TRIM11: variants seen among roughly 807,000 people sequenced by gnomAD.
The protein encoded by TRIM11 is tripartite motif containing 11.
In TRIM11, 15 loss-of-function variants were observed where a neutral mutation model predicts 33.4. That is an observed-to-expected ratio of 0.45 (90% CI 0.30 to 0.69). The LOEUF (loss-of-function observed/expected upper bound fraction) is 0.69, where lower values mean the gene tolerates loss of function less well. Among genes scored for constraint, TRIM11 ranks in the 30% least tolerant of loss-of-function variants. The pLI, the probability that TRIM11 is intolerant of heterozygous loss-of-function variation, is 0.08. For synonymous variants in TRIM11, 281 were observed against 302.6 expected, an observed-to-expected ratio of 0.93 and a Z score of 0.74; for missense variants, 499 against 667.6, an observed-to-expected ratio of 0.75 and a Z score of 2.78.
Position 228,406,685 on chromosome 1 carries a change from G to C in TRIM11, c.-124C>G. ...AGGCTCGGGCACTCCGGGGCGCGAGGCTCGGGACTCCCGGGTGCTCGGGCT... is the reference window on the plus strand; with the variant it reads ...AGGCTCGGGCACTCCGGGGCGCGAGCCTCGGGACTCCCGGGTGCTCGGGCT... On this transcript the variant is annotated 5_prime_UTR_variant, in exon 1 of 6. Transcript: ENST00000284551. The surrounding 1 kb of genome is among the most constrained non-coding windows in gnomAD (Gnocchi z 8.2). 1.0e-6 allele frequency: 1 copy of C among 965,080 alleles called. No individual in the cohort carries two copies. The highest frequency in any genetic ancestry group is 3.4e-5 in the East Asian group (1 of 29,446). 59.8% of individuals were successfully genotyped at this position (965,080 alleles called of 1,614,324 possible).
At chr1:228,396,857 T>C in intron 5 of TRIM11, 90 bp downstream of exon 5, 1 of 1,213,236 alleles carries the variant, frequency 8.2e-7, no homozygotes, top group South Asian at 1.2e-5. Flanking sequence ...GAGCTGGCAG[T>C]GGCAGGGCAC....
chr1:228,401,956 TG>T lies in TRIM11; in HGVS notation c.504+109del. On this transcript the variant is annotated intron_variant, in intron 2 of 5. Transcript: ENST00000284551. The surrounding 1 kb of genome is among the most constrained non-coding windows in gnomAD (Gnocchi z 6.1). ...GCCAGGCTGAAGCAGTGACTGGTCC[TG>T]GGGCGCCAAGGGCAAGTGTGCCTGG... is the stretch of plus-strand genomic sequence containing the variant. 1.3e-6 allele frequency: 1 copy of T among 787,346 alleles called. No homozygotes were observed. The highest frequency in any genetic ancestry group is 1.9e-6 in the Non-Finnish European group (1 of 519,120). 48.8% of individuals were successfully genotyped at this position (787,346 alleles called of 1,614,324 possible). A position where few individuals can be genotyped will look rare whatever the true frequency, so the allele number is the denominator to read the frequency against.
In TRIM11 at chr1:228,393,973, A is replaced by C. The variant is rs1315017787; in HGVS notation, c.*732T>G. 6.6e-6 allele frequency: 1 copy of C among 152,278 alleles called. No individual in the cohort carries two copies. Among genetic ancestry groups the C allele is most frequent in the African/African-American group, 2.4e-5 (1 of 41,466 alleles). The allele number at this position is 152,278 out of a possible 1,614,324, so 9.4% of individuals were successfully genotyped here. A position where few individuals can be genotyped will look rare whatever the true frequency, so the allele number is the denominator to read the frequency against. The stretch of plus-strand genomic sequence containing the variant: ...CTTTGCAAGGGCAAAACCCAATGGC[A>C]ACATGCCCACGAAAGCTTCAAGTCA... On this transcript the variant is annotated 3_prime_UTR_variant, in exon 6 of 6. Transcript: ENST00000284551.
Position 228,394,676 on chromosome 1 carries a change from G to C in TRIM11, c.*29C>G. 6.4e-7 allele frequency: 1 copy of C among 1,554,092 alleles called. No homozygotes were observed. Among genetic ancestry groups the C allele is most frequent in the Non-Finnish European group, 8.7e-7 (1 of 1,147,350 alleles). On this transcript the variant is annotated 3_prime_UTR_variant, in exon 6 of 6. Coordinates refer to ENST00000284551, the MANE Select transcript of TRIM11 (RefSeq NM_145214.3). This position sits in a 1 kb window ranked among gnomAD's most constrained non-coding sequence, Gnocchi z 6.2. ...TCAGTGGCCTGGAGGGGCAGGAGAG[G>C]CAACAGGACTCCTCCAGGAGGGCCC...
chr1:228,400,137 T>C lies in TRIM11; in HGVS notation c.735+827A>G, dbSNP rs1201654923. ...CCTCTCTCCTCTGTGGGAGCCAGAA[T>C]TGCCCAGGGGCCCATTTCCCTCTGA... On this transcript the variant is annotated intron_variant, in intron 3 of 5. Coordinates refer to ENST00000284551, the MANE Select transcript of TRIM11 (RefSeq NM_145214.3). The surrounding 1 kb of genome is among the most constrained non-coding windows in gnomAD (Gnocchi z 4.5). 3.9e-5 allele frequency among the ~76,000 whole-genome samples: 6 copies of C among 152,194 alleles called. No individual in the cohort carries two copies. The highest frequency in any genetic ancestry group is 3.3e-4 in the Admixed American group (5 of 15,282).
chr1:228,406,326 C>A lies in TRIM11; in HGVS notation c.236G>T (p.Arg79Leu). 6.8e-7 allele frequency: 1 copy of A among 1,471,710 alleles called. No homozygotes were observed. 91.2% of individuals were successfully genotyped at this position (1,471,710 alleles called of 1,614,324 possible). A position where few individuals can be genotyped will look rare whatever the true frequency, so the allele number is the denominator to read the frequency against. ...GACCGGCGACGGCGGGTGCAGGCGC[C>A]GCGCCATCTCGGCCATCTTAGCAAG... is the stretch of plus-strand genomic sequence containing the variant. ...RPLAKMAEMARRLHPPSPVPQ... is the reference protein window; with the variant it reads ...RPLAKMAEMALRLHPPSPVPQ... Residue 79 changes from arginine to leucine, a missense_variant, in exon 1 of 6, where the codon CGG becomes CTG. Physicochemically the swap from Arg to Leu is moderately radical, Grantham distance 102. Coordinates refer to ENST00000284551, the MANE Select transcript of TRIM11 (RefSeq NM_145214.3). The surrounding 1 kb of genome is among the most constrained non-coding windows in gnomAD (Gnocchi z 8.2).
rs141363391 is a variant in TRIM11 at position 228,394,658 on chromosome 1, C to A, written c.*47G>T. On this transcript the variant is annotated 3_prime_UTR_variant, in exon 6 of 6. Coordinates refer to ENST00000284551, the MANE Select transcript of TRIM11 (RefSeq NM_145214.3). The surrounding 1 kb of genome is among the most constrained non-coding windows in gnomAD (Gnocchi z 6.2). ...TCCAAGTGGCCAAAACACTCAGTGG[C>A]CTGGAGGGGCAGGAGAGGCAACAGG... 0.011 allele frequency: 17,520 copies of A among 1,532,024 alleles called. 132 individuals carry two copies. Among genetic ancestry groups the A allele is most frequent in the Non-Finnish European group, 0.014 (15,424 of 1,137,390 alleles). 94.9% of individuals were successfully genotyped at this position (1,532,024 alleles called of 1,614,324 possible).
Position 228,400,217 on chromosome 1 carries a change from T to C in TRIM11, c.735+747A>G, listed in dbSNP as rs1018996512. Among the ~76,000 whole-genome samples, 2 of 152,264 alleles carry C rather than the reference T, an allele frequency of 1.3e-5. No individual in the cohort carries two copies. Among genetic ancestry groups the C allele is most frequent in the East Asian group, 3.8e-4 (2 of 5,202 alleles). ...CTGGGCATGGAACACGTTCTCCATT[T>C]TGTGGGAAAAACATCCAGCTGAACC... is the stretch of plus-strand genomic sequence containing the variant. On this transcript the variant is annotated intron_variant, in intron 3 of 5. Coordinates refer to ENST00000284551, the MANE Select transcript of TRIM11 (RefSeq NM_145214.3). This position sits in a 1 kb window ranked among gnomAD's most constrained non-coding sequence, Gnocchi z 4.5.
chr1:228,394,913 G>C lies in TRIM11; in HGVS notation c.1199C>G (p.Pro400Arg). 1 of 1,614,160 alleles carries C rather than the reference G, an allele frequency of 6.2e-7. No individual in the cohort carries two copies. Among genetic ancestry groups the C allele is most frequent in the South Asian group, 1.1e-5 (1 of 91,080 alleles). The change falls in exon 6 of 6, where the codon CCA becomes CGA. Residue 400 changes from proline to arginine, a missense_variant. Coordinates refer to ENST00000284551, the MANE Select transcript of TRIM11 (RefSeq NM_145214.3). The surrounding 1 kb of genome is among the most constrained non-coding windows in gnomAD (Gnocchi z 6.2). Reference protein sequence around the residue: ...SERALAPLRDPPRRVGIFLDY... With the variant: ...SERALAPLRDRPRRVGIFLDY... ...CAGAAAGATCCCCACGCGCCTGGGTGGGTCCCGGAGTGGAGCCAAGGCCCG... is the reference window on the plus strand; with the variant it reads ...CAGAAAGATCCCCACGCGCCTGGGTCGGTCCCGGAGTGGAGCCAAGGCCCG...
At position 228,394,680 on chromosome 1, in the gene TRIM11, C is replaced by A; in HGVS notation, c.*25G>T. 6.4e-7 allele frequency: 1 copy of A among 1,561,714 alleles called. No individual in the cohort carries two copies. Among genetic ancestry groups the A allele is most frequent in the South Asian group, 1.2e-5 (1 of 84,188 alleles). On this transcript the variant is annotated 3_prime_UTR_variant, in exon 6 of 6. Transcript: ENST00000284551. This position sits in a 1 kb window ranked among gnomAD's most constrained non-coding sequence, Gnocchi z 6.2. Reference sequence around the variant, plus strand: ...TGGCCTGGAGGGGCAGGAGAGGCAACAGGACTCCTCCAGGAGGGCCCGAGT... The same window carrying A: ...TGGCCTGGAGGGGCAGGAGAGGCAAAAGGACTCCTCCAGGAGGGCCCGAGT...
intron 1 of TRIM11, chr1:228,402,625 C>T (rs1278252203): frequency 1.3e-5 from 2 of 153,388 alleles, no homozygotes; most frequent in African/African-American, 2.4e-5. Flanking sequence ...TGCCCTATGC[C>T]CCCACAAATT....
At position 228,406,265 on chromosome 1, in the gene TRIM11, C is replaced by T; in HGVS notation, c.297G>A (p.Leu99=). 6.7e-7 allele frequency: 1 copy of T among 1,495,412 alleles called. No individual in the cohort carries two copies. The highest frequency in any genetic ancestry group is 8.9e-7 in the Non-Finnish European group (1 of 1,129,114). 92.6% of individuals were successfully genotyped at this position (1,495,412 alleles called of 1,614,324 possible). ...QGVCPAHREP[L]AAFCGDELRL... ...GCAGCTCGTCGCCACAGAAGGCGGCCAGTGGCTCGCGGTGCGCGGGGCACA... is the reference window on the plus strand; with the variant it reads ...GCAGCTCGTCGCCACAGAAGGCGGCTAGTGGCTCGCGGTGCGCGGGGCACA... The change falls in exon 1 of 6, where the codon CTG becomes CTA. Residue 99 remains leucine (L), a synonymous_variant. Coordinates refer to ENST00000284551, the MANE Select transcript of TRIM11 (RefSeq NM_145214.3). This position sits in a 1 kb window ranked among gnomAD's most constrained non-coding sequence, Gnocchi z 8.2.
rs899915783 is a variant in TRIM11 at position 228,400,511 on chromosome 1, C to CA, written c.735+452dup. ...AGCAGAGGAGGAGGAGACTGCCCCC[C>CA]ATAATGGAGATGCATGGGGTGTGCC... On this transcript the variant is annotated intron_variant, in intron 3 of 5. Coordinates refer to ENST00000284551, the MANE Select transcript of TRIM11 (RefSeq NM_145214.3). This position sits in a 1 kb window ranked among gnomAD's most constrained non-coding sequence, Gnocchi z 4.5. Among the ~76,000 whole-genome samples the CA allele has an allele frequency of 2.6e-5, 4 of 152,170 alleles. No individual in the cohort carries two copies. Among genetic ancestry groups the CA allele is most frequent in the Admixed American group, 2.6e-4 (4 of 15,282 alleles).
At chr1:228,405,917 T>G in intron 1 of TRIM11, 25 of 390,894 alleles carry the variant, frequency 6.4e-5, no homozygotes, top group East Asian at 1.6e-4. Context: ...CAGGGTCTCA[T>G]TGGCGGCCAT....
rs981297825 is a variant in TRIM11, at chr1:228,400,674, G to A, written c.735+290C>T. On this transcript the variant is annotated intron_variant, in intron 3 of 5. Transcript: ENST00000284551. This position sits in a 1 kb window ranked among gnomAD's most constrained non-coding sequence, Gnocchi z 4.5. ...CCACAGGGAGCAGCAGTGTCAGTCA[G>A]GACGAGATGGAGTGACCTTATGTAA... Among the ~76,000 whole-genome samples the A allele has an allele frequency of 6.6e-6, 1 of 152,204 alleles. No individual in the cohort carries two copies. The highest frequency in any genetic ancestry group is 2.4e-5 in the African/African-American group (1 of 41,438).
intron 1 of TRIM11, chr1:228,405,906 G>C (rs1656393079): frequency 4.9e-6 from 2 of 409,898 alleles, no homozygotes; most frequent in Non-Finnish European, 8.5e-6. Context: ...ACCCCCGAGA[G>C]CAGGGTCTCA....
chr1:228,396,873 A>G (rs1212889702), intron 5 of TRIM11, 74 bp downstream of exon 5: 1 of 1,408,600 alleles, frequency 7.1e-7, no homozygotes, highest in African/African-American at 1.4e-5. Flanking sequence ...GGCACAGAAC[A>G]CGTGGCTGGC....
intron 3 of TRIM11, chr1:228,397,470 G>C: frequency 4.6e-6 from 2 of 433,740 alleles, no homozygotes; most frequent in Non-Finnish European, 8.2e-6. Context: ...CACTCACCCA[G>C]AGCCCCAAGT....
Position 228,397,174 on chromosome 1 carries a change from G to A in TRIM11, c.736-9C>T, listed in dbSNP as rs1256682777. The A allele has an allele frequency of 6.2e-7, 1 of 1,611,516 alleles. No individual in the cohort carries two copies. Among genetic ancestry groups the A allele is most frequent in the East Asian group, 2.2e-5 (1 of 44,786 alleles). On this transcript the variant is annotated splice_polypyrimidine_tract_variant and intron_variant, in intron 3 of 5. Transcript: ENST00000284551. ...AGGGCGTCCTTGATGTCCTATGTGG[G>A]GAGGAGAAACAGCACACTCGGTGTC...
Sources: gnomAD v4.1 joint callset for allele counts (sites outside exome capture counted in the v4.1 genomes callset) on GRCh38, gnomAD v4.1.1 for gene constraint, Gnocchi (gnomAD v3.1) non-coding constraint, MANE v1.5 for transcripts, NCBI Gene and HGNC (gene_info 2026-07-23, HGNC 2026-07-21) for gene names.